OR51B5: variants seen among roughly 807,000 people sequenced by gnomAD.
The protein encoded by OR51B5 is olfactory receptor family 51 subfamily B member 5.
For missense variants in OR51B5, 456 were observed against 374.6 expected, an observed-to-expected ratio of 1.22 and a Z score of -1.79; for synonymous variants, 186 against 144.8, an observed-to-expected ratio of 1.28 and a Z score of -2.04.
chr11:5,495,243 T>C (rs890452913), intron 1 of OR51B5, among the ~76,000 whole-genome samples: 5 of 152,156 alleles, frequency 3.3e-5, no homozygotes, highest in African/African-American at 1.2e-4. Context: ...ATGACAGGAC[T>C]ATAATTAGCA....
At chr11:5,387,131 C>A (rs574758589) in intron 1 of OR51B5, among the ~76,000 whole-genome samples, 8 of 151,998 alleles carry the variant, frequency 5.3e-5, no homozygotes, top group Non-Finnish European at 8.8e-5. Context: ...GGACAGTAAA[C>A]TGAATAACAT....
intron 1 of OR51B5, among the ~76,000 whole-genome samples, chr11:5,479,911 T>C (rs1374945454): frequency 5.0e-5 from 7 of 140,022 alleles, no homozygotes; most frequent in African/African-American, 1.9e-4. Context: ...ACATTAATAA[T>C]GGGAGACTTT....
chr11:5,398,381 T>C (rs1849913960), intron 1 of OR51B5, among the ~76,000 whole-genome samples: 2 of 152,182 alleles, frequency 1.3e-5, no homozygotes. Context: ...TCAGGGAACC[T>C]AACTTTCTCC....
intron 1 of OR51B5, among the ~76,000 whole-genome samples, chr11:5,495,027 G>A (rs983500781): frequency 1.4e-4 from 22 of 152,164 alleles, no homozygotes; most frequent in African/African-American, 5.3e-4. Context: ...TAATGAAGTA[G>A]AAGTTTCCAG....
chr11:5,473,611 G>C (rs1851262040), intron 1 of OR51B5, among the ~76,000 whole-genome samples: 1 of 152,116 alleles, frequency 6.6e-6, no homozygotes, highest in South Asian at 2.1e-4. Flanking sequence ...AGTTATCAGT[G>C]AAAACCTTAT....
At chr11:5,487,943 T>C (rs1477050404) in intron 1 of OR51B5, among the ~76,000 whole-genome samples, 2 of 152,222 alleles carry the variant, frequency 1.3e-5, no homozygotes, top group Non-Finnish European at 2.9e-5. Flanking sequence ...GCCTAGCCTC[T>C]TCATAGGCAC....
intron 1 of OR51B5, among the ~76,000 whole-genome samples, chr11:5,496,918 T>C: frequency 6.6e-6 from 1 of 152,126 alleles, no homozygotes. Flanking sequence ...CAGCACTTCA[T>C]TAGAGTCAAT....
At chr11:5,441,078 A>T in intron 1 of OR51B5, 1 of 1,614,048 alleles carries the variant, frequency 6.2e-7, no homozygotes, top group Non-Finnish European at 8.5e-7. Flanking sequence ...GCCCAGACCC[A>T]TAGCCAATAT....
chr11:5,447,508 T>C (rs1240644614), intron 1 of OR51B5, among the ~76,000 whole-genome samples: 1 of 152,246 alleles, frequency 6.6e-6, no homozygotes, highest in East Asian at 1.9e-4. Flanking sequence ...CTCATTTCTT[T>C]TGAAATCTGT....
Position 5,423,654 on chromosome 11 carries a change from A to C in OR51B5, n.85-76744T>G, listed in dbSNP as rs568153663. On this transcript the variant is annotated intron_variant and non_coding_transcript_variant, in intron 1 of 4. Coordinates refer to the OR51B5 transcript ENST00000415970. ...ATTTTGAGGGACAATAGACACATCA[A>C]GTTTTTCTGCCATTCAGATTTACCT... Among the ~76,000 whole-genome samples, 38 of 152,316 alleles carry C rather than the reference A, an allele frequency of 2.5e-4. No individual in the cohort carries two copies. The East Asian group carries it at 7.3e-3, about 29-fold the overall frequency.
intron 1 of OR51B5, among the ~76,000 whole-genome samples, chr11:5,411,975 G>A (rs1850155170): frequency 6.6e-6 from 1 of 152,198 alleles, no homozygotes; most frequent in South Asian, 2.1e-4. Context: ...TTTTAGCCCA[G>A]TGAGATCTAT....
At chr11:5,501,189 T>C (rs1846287236) in intron 1 of OR51B5, among the ~76,000 whole-genome samples, 1 of 147,546 alleles carries the variant, frequency 6.8e-6, no homozygotes, top group Non-Finnish European at 1.5e-5. Flanking sequence ...ACTTGCCTGA[T>C]ACAGATTTTG....
intron 1 of OR51B5, among the ~76,000 whole-genome samples, chr11:5,412,058 A>T (rs1850156319): frequency 6.6e-6 from 1 of 152,176 alleles, no homozygotes; most frequent in East Asian, 1.9e-4. Flanking sequence ...CTTTTGAGGT[A>T]ATTTGCTCTG....
At chr11:5,490,573 G>A (rs1470226684) in intron 1 of OR51B5, among the ~76,000 whole-genome samples, 1 of 152,106 alleles carries the variant, frequency 6.6e-6, no homozygotes, top group Non-Finnish European at 1.5e-5. Flanking sequence ...AGTAATCTCA[G>A]TTCTGAAATA....
intron 1 of OR51B5, among the ~76,000 whole-genome samples, chr11:5,490,304 C>T (rs1032972908): frequency 1.5e-4 from 23 of 152,278 alleles, no homozygotes; most frequent in African/African-American, 5.3e-4. Context: ...TGTAACCTCT[C>T]TAAACGTTAC....
intron 1 of OR51B5, among the ~76,000 whole-genome samples, chr11:5,367,533 C>T (rs571175772): frequency 6.6e-6 from 1 of 152,278 alleles, no homozygotes; most frequent in South Asian, 2.1e-4. Flanking sequence ...GGGAGAGTAG[C>T]AGTGAGGACT....
intron 1 of OR51B5, chr11:5,454,332 T>C: frequency 1.2e-6 from 2 of 1,614,162 alleles, no homozygotes; most frequent in Non-Finnish European, 1.7e-6. Flanking sequence ...TGTGTACCTA[T>C]TTGTGCCTCC....
chr11:5,505,157 G>A (rs1846353600), intron 1 of OR51B5, among the ~76,000 whole-genome samples: 1 of 152,058 alleles, frequency 6.6e-6, no homozygotes, highest in Admixed American at 6.6e-5. Context: ...AGACCCACCT[G>A]GCCTTCCAAT....
rs560713038 is a variant in OR51B5 at position 5,449,714 on chromosome 11, C to T, written n.84+55855G>A. ...GGAAGCAGGACTCAGGATACAGGAA[C>T]GGTTCGGGAATCTAGAAGGGAAGTG... is the stretch of plus-strand genomic sequence containing the variant. On this transcript the variant is annotated intron_variant and non_coding_transcript_variant, in intron 1 of 4. Transcript: ENST00000415970. Among the ~76,000 whole-genome samples the T allele has an allele frequency of 5.9e-5, 9 of 152,222 alleles. 1 individual carries two copies. Among genetic ancestry groups the T allele is most frequent in the South Asian group, 4.1e-4 (2 of 4,826 alleles).
Sources: allele counts gnomAD v4.1 joint callset (sites outside exome capture counted in the v4.1 genomes callset), GRCh38; gene constraint gnomAD v4.1.1; transcripts MANE v1.5; gene names NCBI Gene and HGNC (gene_info 2026-07-23, HGNC 2026-07-21).